The following CLASP2 variants were observed in gnomAD, a reference collection of about 807,000 sequenced individuals.
CLASP2 encodes the protein CLIP-associating protein 2.
A neutral mutation model predicts 194.4 loss-of-function variants in CLASP2; 47 were observed. That is an observed-to-expected ratio of 0.24 (90% CI 0.19 to 0.31). The LOEUF is 0.31. Among genes scored for constraint, CLASP2 ranks in the 10% least tolerant of loss-of-function variants. The pLI is 1.00. For synonymous variants in CLASP2, 619 were observed against 633.5 expected, an observed-to-expected ratio of 0.98 and a Z score of 0.34; for missense variants, 1,445 against 1,823.6, an observed-to-expected ratio of 0.79 and a Z score of 3.78.
rs943607582 is a variant in CLASP2 at position 33,517,202 on chromosome 3, A to G, written c.3788-28T>C. ...GTCAAAAGGACATGGTATTAGTTCT[A>G]TAACTTTATAGGGTGACTCTCACAA... On this transcript the variant is annotated intron_variant, in intron 34 of 38. Coordinates refer to ENST00000682230, the MANE Select transcript of CLASP2 (RefSeq NM_001365631.1). 3.8e-6 allele frequency: 6 copies of G among 1,560,006 alleles called. No homozygotes were observed. In the Admixed American group the frequency reaches 5.8e-5, roughly 15 times the overall value.
At chr3:33,555,065 A>C (rs1415133747) in intron 29 of CLASP2, among the ~76,000 whole-genome samples, 1 of 152,200 alleles carries the variant, frequency 6.6e-6, no homozygotes, top group African/African-American at 2.4e-5. Flanking sequence ...AATTGATAAA[A>C]GAGTGAATTT....
intron 8 of CLASP2, among the ~76,000 whole-genome samples, chr3:33,634,619 C>T (rs1472660798): frequency 6.6e-6 from 1 of 152,124 alleles, no homozygotes; most frequent in Non-Finnish European, 1.5e-5. Context: ...ATCTATTGTA[C>T]AACATGACTA....
intron 32 of CLASP2, among the ~76,000 whole-genome samples, chr3:33,543,098 G>T (rs939503353): frequency 6.6e-6 from 1 of 152,080 alleles, no homozygotes; most frequent in African/African-American, 2.4e-5. Flanking sequence ...TACAGCCAAG[G>T]GTGGTACCTC....
At chr3:33,610,297 C>T (rs1344728666) in intron 13 of CLASP2, among the ~76,000 whole-genome samples, 1 of 152,194 alleles carries the variant, frequency 6.6e-6, no homozygotes, top group African/African-American at 2.4e-5. Context: ...AATTCCTTTT[C>T]ATAACATTCA....
At chr3:33,537,216 A>G (rs1233146637) in intron 33 of CLASP2, among the ~76,000 whole-genome samples, 1 of 152,216 alleles carries the variant, frequency 6.6e-6, no homozygotes, top group Non-Finnish European at 1.5e-5. Context: ...CTGAGTCTCA[A>G]TGAAGCAGTG....
rs138225825 is a variant in CLASP2 at position 33,629,302 on chromosome 3, T to C, written c.943-2222A>G. 1.6e-3 allele frequency among the ~76,000 whole-genome samples: 237 copies of C among 152,262 alleles called. 1 individual carries two copies. Among genetic ancestry groups the C allele is most frequent in the Non-Finnish European group, 2.5e-3 (171 of 68,004 alleles). ...GAAAGAGCTTGAACCTACATGAGAT[T>C]ACTGATTGTGTAAATGTGTTAAGGA... On this transcript the variant is annotated intron_variant, in intron 9 of 38. Coordinates refer to ENST00000682230, the MANE Select transcript of CLASP2 (RefSeq NM_001365631.1).
chr3:33,683,877 T>G (rs1177417954), intron 6 of CLASP2, among the ~76,000 whole-genome samples: 1 of 148,266 alleles, frequency 6.7e-6, no homozygotes, highest in Non-Finnish European at 1.5e-5. Flanking sequence ...GATGCAGAGG[T>G]TGCAGTGAGC....
intron 30 of CLASP2, among the ~76,000 whole-genome samples, chr3:33,547,247 G>A (rs2059291294): frequency 1.3e-5 from 2 of 152,156 alleles, no homozygotes; most frequent in South Asian, 4.1e-4. Context: ...TGTTCTTGTG[G>A]TAGTGAATAA....
chr3:33,692,431 A>G (rs1423974170), intron 2 of CLASP2, among the ~76,000 whole-genome samples: 1 of 152,174 alleles, frequency 6.6e-6, no homozygotes, highest in Admixed American at 6.5e-5. Context: ...CAAAAACAAA[A>G]AACTTCACAT....
chr3:33,617,057 G>C (rs750803933), intron 12 of CLASP2, among the ~76,000 whole-genome samples: 2 of 149,468 alleles, frequency 1.3e-5, no homozygotes, highest in Non-Finnish European at 3.0e-5. Flanking sequence ...TGTTACAAAG[G>C]TTCTGGATTA....
chr3:33,532,821 A>T (rs2154130808), intron 34 of CLASP2, among the ~76,000 whole-genome samples: 1 of 152,340 alleles, frequency 6.6e-6, no homozygotes, highest in South Asian at 2.1e-4. Flanking sequence ...CTCCTGGCTC[A>T]GCCTCCTGAG....
At chr3:33,556,016 C>T (rs1198667994) in intron 29 of CLASP2, among the ~76,000 whole-genome samples, 1 of 152,112 alleles carries the variant, frequency 6.6e-6, no homozygotes. Context: ...CATTCTTTTT[C>T]AGAGAAGGAA....
At chr3:33,623,482 ATT>A (rs869217111) in intron 10 of CLASP2, among the ~76,000 whole-genome samples, 3 of 144,196 alleles carry the variant, frequency 2.1e-5, no homozygotes, top group Admixed American at 6.9e-5. Context: ...CTCAAGTTCA[ATT>A]TTTTTTTTTT....
At chr3:33,677,670 A>AAT (rs1166929601) in intron 6 of CLASP2, among the ~76,000 whole-genome samples, 1 of 151,394 alleles carries the variant, frequency 6.6e-6, no homozygotes, top group Admixed American at 6.6e-5. Flanking sequence ...TAACCTGCAC[A>AAT]GTGCACATGT....
intron 6 of CLASP2, among the ~76,000 whole-genome samples, chr3:33,675,841 C>A (rs1208129172): frequency 0.026 from 2,905 of 112,370 alleles, 55 homozygotes; most frequent in Admixed American, 0.046. Context: ...CAATTGCTTC[C>A]AAGAGAATAA....
chr3:33,622,177 T>C lies in CLASP2; in HGVS notation c.1139A>G (p.Asp380Gly). 1 of 1,604,396 alleles carries C rather than the reference T, an allele frequency of 6.2e-7. No homozygotes were observed. The highest frequency in any genetic ancestry group is 2.3e-5 in the East Asian group (1 of 44,334). Residue 380 changes from aspartate (D) to glycine (G), a missense_variant, in exon 11 of 39, where the codon GAT (aspartate) becomes GGT (glycine). Coordinates refer to ENST00000682230, the MANE Select transcript of CLASP2 (RefSeq NM_001365631.1). ...TTCTCTAACCACCTGGGATCTAAGA[T>C]CCTTAGCTGAAAGTTTAAGTGCTCC... The part of the protein sequence containing the change: ...LDGALKLSAK[D>G]LRSQVVREAC...
intron 6 of CLASP2, among the ~76,000 whole-genome samples, chr3:33,670,222 T>C (rs1000330453): frequency 2.6e-5 from 4 of 152,024 alleles, no homozygotes; most frequent in African/African-American, 9.7e-5. Flanking sequence ...AAAACTAAAC[T>C]ATGGTGTTAG....
intron 37 of CLASP2, chr3:33,503,878 A>G (rs1470010853): frequency 1.3e-5 from 2 of 152,196 alleles, no homozygotes; most frequent in African/African-American, 4.8e-5. Context: ...CAACCATCCC[A>G]GTGGGTATGA....
At position 33,606,574 on chromosome 3, in the gene CLASP2, T is replaced by C. The variant is rs750672511; in HGVS notation, c.1694+17A>G. ...AGGAGAGGAAGAGACTAGTAATCAT[T>C]ATTTATATGACCTTACTTGAGACTT... On this transcript the variant is annotated intron_variant, in intron 16 of 38. Coordinates refer to ENST00000682230, the MANE Select transcript of CLASP2 (RefSeq NM_001365631.1). The C allele has an allele frequency of 6.2e-7, 1 of 1,602,616 alleles. No individual in the cohort carries two copies. The highest frequency in any genetic ancestry group is 8.5e-7 in the Non-Finnish European group (1 of 1,172,766).
Sources: gnomAD v4.1 joint callset for allele counts (sites outside exome capture counted in the v4.1 genomes callset) on GRCh38, gnomAD v4.1.1 for gene constraint, MANE v1.5 for transcripts, NCBI Gene and HGNC (gene_info 2026-07-23, HGNC 2026-07-21) for gene names.